Variants in STPG2 observed in about 807,000 individuals in gnomAD.
The protein encoded by STPG2 is sperm-tail PG-rich repeat-containing protein 2.
Under a neutral mutation model 54.2 loss-of-function variants are expected in STPG2, and 56 were observed. The ratio of observed to expected loss-of-function variants is 1.03; its 90% confidence interval spans 0.83 to 1.29. The LOEUF (loss-of-function observed/expected upper bound fraction) is 1.29. Ranked by LOEUF, STPG2 falls within the 50% of genes most tolerant of loss-of-function variation. The probability of loss-of-function intolerance (pLI) is 0.00; values close to 1 mark genes in which losing one functional copy is unlikely to be tolerated. For missense variants in STPG2, 596 were observed against 544.9 expected, an observed-to-expected ratio of 1.09 and a Z score of -0.93; for synonymous variants, 200 against 181.8, an observed-to-expected ratio of 1.10 and a Z score of -0.81.
intron 10 of STPG2, among the ~76,000 whole-genome samples, chr4:97,684,191 A>T (rs183846550): frequency 1.1e-4 from 16 of 152,076 alleles, no homozygotes; most frequent in Non-Finnish European, 2.2e-4. Flanking sequence ...TATAGATACA[A>T]TGCATTCCCA....
At chr4:98,068,440 G>A (rs1218171907) in intron 5 of STPG2, among the ~76,000 whole-genome samples, 1 of 151,986 alleles carries the variant, frequency 6.6e-6, no homozygotes, top group African/African-American at 2.4e-5. Flanking sequence ...AGAGTACCTA[G>A]GATTTGTTAG....
chr4:97,550,768 T>C (rs1310202642), intron 4 of STPG2, among the ~76,000 whole-genome samples: 1 of 152,116 alleles, frequency 6.6e-6, no homozygotes, highest in Non-Finnish European at 1.5e-5. Flanking sequence ...GGTGGGTTCG[T>C]GGTCTCGCTT....
At chr4:97,864,470 G>A (rs1729684596) in intron 8 of STPG2, among the ~76,000 whole-genome samples, 1 of 152,172 alleles carries the variant, frequency 6.6e-6, no homozygotes, top group African/African-American at 2.4e-5. Context: ...AACATTACAT[G>A]CTCATGGATA....
At chr4:97,646,063 A>G (rs1721903651) in intron 10 of STPG2, among the ~76,000 whole-genome samples, 7 of 152,156 alleles carry the variant, frequency 4.6e-5, no homozygotes, top group Admixed American at 4.6e-4. Flanking sequence ...AGAGAAGACC[A>G]TGGGCTCTAA....
At chr4:97,511,514 A>C (rs892570328) in intron 4 of STPG2, among the ~76,000 whole-genome samples, 10 of 147,210 alleles carry the variant, frequency 6.8e-5, no homozygotes, top group African/African-American at 2.7e-4. Flanking sequence ...TCATAGTAGG[A>C]GATTTTAGTA....
Position 98,019,732 on chromosome 4 carries a change from C to T in STPG2, c.613-38414G>A, listed in dbSNP as rs1421621835. On this transcript the variant is annotated intron_variant, in intron 5 of 10. Transcript: ENST00000295268. Reference sequence around the variant, plus strand: ...TAGTTCTCCTTGAAGAGGTCCTTCACGTCCCTCGTAAGGTGGATTCCTAGG... The same window carrying T: ...TAGTTCTCCTTGAAGAGGTCCTTCATGTCCCTCGTAAGGTGGATTCCTAGG... Among the ~76,000 whole-genome samples, 7 of 125,206 alleles carry T rather than the reference C, an allele frequency of 5.6e-5. 1 individual carries two copies. The South Asian group carries it at 1.1e-3, about 19-fold the overall frequency. The allele number at this position is 125,206 out of a possible 152,430, so 82.1% of individuals were successfully genotyped here.
At position 97,765,169 on chromosome 4, in the gene STPG2, T is replaced by C. The variant is rs1387903717; in HGVS notation, c.1205-52355A>G. On this transcript the variant is annotated intron_variant, in intron 9 of 10. Transcript: ENST00000295268. Reference sequence around the variant, plus strand: ...ATATTCAATACAATTGCTGAAGAGATGTTAAAATCTTGGACTGAATAATGC... The same window carrying C: ...ATATTCAATACAATTGCTGAAGAGACGTTAAAATCTTGGACTGAATAATGC... Among the ~76,000 whole-genome samples the C allele has an allele frequency of 2.6e-5, 4 of 152,134 alleles. No individual in the cohort carries two copies. In the South Asian group the frequency reaches 6.2e-4, roughly 24 times the overall value.
chr4:97,536,314 G>T (rs996696433), intron 4 of STPG2, among the ~76,000 whole-genome samples: 4 of 152,122 alleles, frequency 2.6e-5, no homozygotes, highest in African/African-American at 9.7e-5. Context: ...GAGGGAGCTG[G>T]TGGGAAGTGA....
At chr4:97,635,729 CGAAA>C (rs200964161) in intron 10 of STPG2, among the ~76,000 whole-genome samples, 66,831 of 151,008 alleles carry the variant, frequency 0.44, 16,144 homozygotes, top group South Asian at 0.62. Context: ...CAACAAAGAT[CGAAA>C]GAGACAAAGA....
At chr4:97,941,653 C>CT (rs1732989586) in intron 8 of STPG2, among the ~76,000 whole-genome samples, 1 of 151,908 alleles carries the variant, frequency 6.6e-6, no homozygotes, top group Admixed American at 6.6e-5. Context: ...ATCAAATCAT[C>CT]TTTTAAGACT....
At chr4:97,489,271 T>C (rs1730446565) in intron 4 of STPG2, among the ~76,000 whole-genome samples, 1 of 151,698 alleles carries the variant, frequency 6.6e-6, no homozygotes, top group South Asian at 2.1e-4. Context: ...CATGTCTTTA[T>C]TGGCATTGTG....
intron 10 of STPG2, among the ~76,000 whole-genome samples, chr4:97,675,162 C>A (rs1722802306): frequency 6.6e-6 from 1 of 152,012 alleles, no homozygotes; most frequent in African/African-American, 2.4e-5. Flanking sequence ...CACCACAATG[C>A]CCAGCTAATT....
chr4:97,862,874 A>C (rs1729608341), intron 8 of STPG2, among the ~76,000 whole-genome samples: 1 of 152,184 alleles, frequency 6.6e-6, no homozygotes, highest in South Asian at 2.1e-4. Context: ...TGGAGGCAGA[A>C]ATAAAGACGT....
chr4:98,007,781 A>T (rs902660160), intron 5 of STPG2, among the ~76,000 whole-genome samples: 15 of 152,026 alleles, frequency 9.9e-5, no homozygotes, highest in Admixed American at 7.2e-4. Flanking sequence ...AAAAAAAAAT[A>T]AAACTTCTGG....
chr4:97,974,872 G>T (rs1734450685), intron 6 of STPG2, among the ~76,000 whole-genome samples: 1 of 152,036 alleles, frequency 6.6e-6, no homozygotes, highest in Admixed American at 6.6e-5. Context: ...CTATTTCTAG[G>T]TATTTTCCCA....
At chr4:97,758,803 A>G (rs1378236682) in intron 9 of STPG2, among the ~76,000 whole-genome samples, 6 of 152,126 alleles carry the variant, frequency 3.9e-5, no homozygotes, top group South Asian at 2.1e-4. Flanking sequence ...TAAAAAAATG[A>G]CAGACATTTG....
intron 7 of STPG2, among the ~76,000 whole-genome samples, chr4:97,947,979 T>C (rs142557031): frequency 3.3e-5 from 5 of 152,172 alleles, no homozygotes; most frequent in East Asian, 1.9e-4. Flanking sequence ...ACCAGTAGGA[T>C]TGGTACCAAT....
intron 10 of STPG2, among the ~76,000 whole-genome samples, chr4:97,677,563 G>C (rs1462619055): frequency 6.6e-6 from 1 of 152,058 alleles, no homozygotes; most frequent in East Asian, 1.9e-4. Flanking sequence ...TCTAAGTACT[G>C]GCCATTAGCA....
chr4:97,575,927 C>T (rs553005907), intron 10 of STPG2, among the ~76,000 whole-genome samples: 2 of 152,108 alleles, frequency 1.3e-5, no homozygotes, highest in Non-Finnish European at 2.9e-5. Context: ...TACTAGCACA[C>T]AAAATCAATA....
Sources: gnomAD v4.1 joint callset for allele counts (sites outside exome capture counted in the v4.1 genomes callset) on GRCh38, gnomAD v4.1.1 for gene constraint, MANE v1.5 for transcripts, NCBI Gene and HGNC (gene_info 2026-07-23, HGNC 2026-07-21) for gene names.